The following UCHL3 variants were observed in gnomAD, a reference collection of about 807,000 sequenced individuals.
UCHL3 encodes ubiquitin C-terminal hydrolase L3.
A neutral mutation model predicts 35.8 loss-of-function variants in UCHL3; 22 were observed. That is an observed-to-expected ratio of 0.61 (90% CI 0.44 to 0.88). The LOEUF is 0.88. UCHL3 is among the 40% of genes least tolerant of loss of function. UCHL3 has a pLI of 0.00. For missense variants in UCHL3, 229 were observed against 276.9 expected, an observed-to-expected ratio of 0.83 and a Z score of 1.23; for synonymous variants, 90 against 92.8, an observed-to-expected ratio of 0.97 and a Z score of 0.17.
Position 75,605,838 on chromosome 13 carries a change from A to G in UCHL3, c.*26A>G. ...CTTGTCAATAATGGAAACACCAAAAACTGTATTATTTGCAACTAAATTTTC... is the reference window on the plus strand; with the variant it reads ...CTTGTCAATAATGGAAACACCAAAAGCTGTATTATTTGCAACTAAATTTTC... On this transcript the variant is annotated 3_prime_UTR_variant, in exon 9 of 9. Transcript: ENST00000377595. 1 of 1,608,290 alleles carries G rather than the reference A, an allele frequency of 6.2e-7. No homozygotes were observed. Among genetic ancestry groups the G allele is most frequent in the Non-Finnish European group, 8.5e-7 (1 of 1,177,142 alleles).
chr13:75,571,771 T>A (rs1431730004), intron 6 of UCHL3, among the ~76,000 whole-genome samples: 2 of 152,198 alleles, frequency 1.3e-5, no homozygotes, highest in Non-Finnish European at 2.9e-5. Context: ...TACACTGCTG[T>A]GTACTCCCAT....
At chr13:75,577,112 A>G (rs1321301003) in intron 6 of UCHL3, among the ~76,000 whole-genome samples, 1 of 152,160 alleles carries the variant, frequency 6.6e-6, no homozygotes, top group Non-Finnish European at 1.5e-5. Context: ...ATGTGGTGGC[A>G]TGCACCTGTA....
chr13:75,558,739 T>G (rs1349207898), intron 2 of UCHL3, among the ~76,000 whole-genome samples: 1 of 152,196 alleles, frequency 6.6e-6, no homozygotes, highest in Non-Finnish European at 1.5e-5. Flanking sequence ...TAATCTTTAG[T>G]CAGTTCTAGA....
In UCHL3 at chr13:75,604,819, T is replaced by G. The variant is rs2032886410; in HGVS notation, c.601T>G (p.Leu201Val). The G allele has an allele frequency of 1.1e-5, 17 of 1,598,260 alleles. No homozygotes were observed. Among genetic ancestry groups the G allele is most frequent in the Non-Finnish European group, 1.4e-5 (17 of 1,172,570 alleles). Residue 201 changes from leucine (L) to valine (V), a missense_variant, in exon 8 of 9, where the codon TTA (leucine) becomes GTA (valine). Physicochemically the swap from Leu to Val is conservative, Grantham distance 32. Transcript: ENST00000377595. ...CCATGGTGAAACTAGTGATGAAACT[T>G]TATTAGAGGTAACAGTAACACTTGT... ...INHGETSDET[L>V]LEDAIEVCKK... is the part of the protein sequence containing the mutation.
intron 6 of UCHL3, among the ~76,000 whole-genome samples, chr13:75,583,694 A>G (rs2032246597): frequency 1.3e-5 from 2 of 152,230 alleles, no homozygotes; most frequent in African/African-American, 4.8e-5. Context: ...AACCAGAAAC[A>G]AACTAAAGGT....
chr13:75,583,880 A>G (rs2032253062), intron 6 of UCHL3, among the ~76,000 whole-genome samples: 1 of 152,202 alleles, frequency 6.6e-6, no homozygotes, highest in South Asian at 2.1e-4. Context: ...TAAGACTATA[A>G]AATTCCTGTA....
At chr13:75,599,134 ATTT>A (rs35853503) in intron 7 of UCHL3, among the ~76,000 whole-genome samples, 7 of 127,906 alleles carry the variant, frequency 5.5e-5, no homozygotes, top group Admixed American at 8.1e-5. Context: ...ATGCCTGGCT[ATTT>A]TTTTTTTTTT....
At chr13:75,584,335 G>C (rs185365239) in intron 6 of UCHL3, among the ~76,000 whole-genome samples, 1 of 152,240 alleles carries the variant, frequency 6.6e-6, no homozygotes, top group East Asian at 1.9e-4. Flanking sequence ...TAGCCTCTGA[G>C]CAAAAGCCTA....
chr13:75,567,385 T>G, intron 5 of UCHL3, 73 bp downstream of exon 5: 1 of 1,347,002 alleles, frequency 7.4e-7, no homozygotes, highest in African/African-American at 1.5e-5. Flanking sequence ...TTGGGGGTTT[T>G]GTCTTGAAAC....
chr13:75,581,391 T>C (rs1194294258), intron 6 of UCHL3, among the ~76,000 whole-genome samples: 1 of 150,500 alleles, frequency 6.6e-6, no homozygotes, highest in Non-Finnish European at 1.5e-5. Flanking sequence ...ATTCTGTTGC[T>C]CAGGCGGCAG....
At chr13:75,595,126 G>A (rs775446956) in intron 7 of UCHL3, 136 bp downstream of exon 7, 119 of 664,548 alleles carry the variant, frequency 1.8e-4, no homozygotes, top group Admixed American at 3.1e-4. Flanking sequence ...TTGACATAGC[G>A]ACAGTTTTCC....
intron 2 of UCHL3, among the ~76,000 whole-genome samples, chr13:75,558,149 T>C (rs1458223395): frequency 6.6e-6 from 1 of 152,184 alleles, no homozygotes; most frequent in African/African-American, 2.4e-5. Flanking sequence ...TTGCATTGAA[T>C]TTCTTTATAT....
chr13:75,559,625 C>T (rs913586434), intron 2 of UCHL3, among the ~76,000 whole-genome samples: 2 of 152,182 alleles, frequency 1.3e-5, no homozygotes, highest in Non-Finnish European at 2.9e-5. Flanking sequence ...ATGGCTTCCA[C>T]TGGTTTTGCA....
chr13:75,583,228 A>G (rs550401013), intron 6 of UCHL3, among the ~76,000 whole-genome samples: 89 of 152,212 alleles, frequency 5.8e-4, no homozygotes, highest in Non-Finnish European at 1.1e-3. Context: ...AAAAATAAAC[A>G]ATTACAATAT....
chr13:75,573,726 T>A (rs1280517252), intron 6 of UCHL3, among the ~76,000 whole-genome samples: 1 of 152,188 alleles, frequency 6.6e-6, no homozygotes, highest in East Asian at 1.9e-4. Flanking sequence ...TTAGTTAACA[T>A]TAACTACTTC....
At chr13:75,567,358 T>C (rs751253240) in intron 5 of UCHL3, 46 bp downstream of exon 5, 4 of 1,560,960 alleles carry the variant, frequency 2.6e-6, no homozygotes, top group African/African-American at 2.7e-5. Context: ...CAAAAGTTTG[T>C]GGGATTGTAG....
intron 6 of UCHL3, among the ~76,000 whole-genome samples, chr13:75,570,334 C>G (rs2031814950): frequency 6.6e-6 from 1 of 152,080 alleles, no homozygotes; most frequent in South Asian, 2.1e-4. Flanking sequence ...CCTCCCGGGT[C>G]ACTCCATTCT....
chr13:75,593,770 A>G (rs1197560061), intron 6 of UCHL3, among the ~76,000 whole-genome samples: 2 of 152,234 alleles, frequency 1.3e-5, no homozygotes, highest in Non-Finnish European at 2.9e-5. Context: ...AACACTATAT[A>G]TAAATGTTTT....
intron 6 of UCHL3, among the ~76,000 whole-genome samples, chr13:75,582,553 A>C (rs1363340270): frequency 2.0e-5 from 3 of 152,228 alleles, no homozygotes; most frequent in African/African-American, 7.2e-5. Context: ...CACCAGAATG[A>C]AAAAACTGAG....
Sources: gnomAD v4.1 joint callset for allele counts (sites outside exome capture counted in the v4.1 genomes callset) on GRCh38, gnomAD v4.1.1 for gene constraint, MANE v1.5 for transcripts, NCBI Gene and HGNC (gene_info 2026-07-23, HGNC 2026-07-21) for gene names.